The following CUL5 variants were observed in gnomAD, a reference collection of about 807,000 sequenced individuals.
CUL5 encodes cullin-5.
Under a neutral mutation model 108.8 loss-of-function variants are expected in CUL5, and 26 were observed. That is an observed-to-expected ratio of 0.24 (90% CI 0.18 to 0.33). CUL5 has a LOEUF of 0.33. CUL5 is among the 10% of genes least tolerant of loss of function. The pLI, the probability that CUL5 is intolerant of heterozygous loss-of-function variation, is 1.00. For missense variants in CUL5, 524 were observed against 909.2 expected, an observed-to-expected ratio of 0.58 and a Z score of 5.45; for synonymous variants, 334 against 298.0, an observed-to-expected ratio of 1.12 and a Z score of -1.25.
At chr11:108,066,813 A>C (rs1248959537) in intron 7 of CUL5, among the ~76,000 whole-genome samples, 1 of 152,116 alleles carries the variant, frequency 6.6e-6, no homozygotes, top group African/African-American at 2.4e-5. Flanking sequence ...TTTTCCAGTT[A>C]TTTGCTTATT....
chr11:108,073,732 T>A (rs912939693), intron 10 of CUL5: 2 of 261,294 alleles, frequency 7.7e-6, no homozygotes, highest in African/African-American at 4.4e-5. Flanking sequence ...TTTCTCATTT[T>A]TCCAAGAATG....
At chr11:108,068,360 C>G (rs1863741539) in intron 7 of CUL5, among the ~76,000 whole-genome samples, 1 of 151,782 alleles carries the variant, frequency 6.6e-6, no homozygotes, top group Non-Finnish European at 1.5e-5. Context: ...GCTCTGTCGC[C>G]CAGACTACAC....
intron 5 of CUL5, among the ~76,000 whole-genome samples, 173 bp downstream of exon 5, chr11:108,052,974 A>C (rs1286263477): frequency 2.0e-5 from 3 of 152,218 alleles, no homozygotes; most frequent in African/African-American, 7.2e-5. Context: ...AGAATGTATA[A>C]AAATTCATAT....
At chr11:108,099,468 TACAC>T (rs1366824823) in intron 18 of CUL5, among the ~76,000 whole-genome samples, 4 of 152,190 alleles carry the variant, frequency 2.6e-5, no homozygotes, top group Admixed American at 6.5e-5. Flanking sequence ...GAAAAATACA[TACAC>T]ATTTTTTAAA....
intron 3 of CUL5, among the ~76,000 whole-genome samples, chr11:108,048,805 T>G (rs1383296090): frequency 6.6e-6 from 1 of 151,892 alleles, no homozygotes; most frequent in Non-Finnish European, 1.5e-5. Flanking sequence ...CAGCTGAGAT[T>G]ACAGGCGCAT....
intron 10 of CUL5, among the ~76,000 whole-genome samples, chr11:108,075,211 C>G (rs182242414): frequency 2.3e-4 from 35 of 149,852 alleles, no homozygotes; most frequent in African/African-American, 8.4e-4. Context: ...TTTTTTAATG[C>G]AAGTAGCTTA....
At chr11:108,089,458 A>T in intron 12 of CUL5, 34 bp from the exon 13 acceptor site, 1 of 1,484,040 alleles carries the variant, frequency 6.7e-7, no homozygotes. Flanking sequence ...GTAAGAGTAT[A>T]TAAGAACTGA....
rs761057500 is a variant in CUL5 at position 108,049,902 on chromosome 11, C to A, written c.247C>A (p.His83Asn). 1 of 1,612,220 alleles carries A rather than the reference C, an allele frequency of 6.2e-7. No individual in the cohort carries two copies. Among genetic ancestry groups the A allele is most frequent in the East Asian group, 2.2e-5 (1 of 44,738 alleles). ...CTCTTTTTTTCAGCGAGTACTGAGC[C>A]ATCAAGATGATACGGCTTTGCTAAA... The part of the protein sequence containing the change: ...IKQAQARVLS[H>N]QDDTALLKAY... The change falls in exon 4 of 19, where the codon CAT becomes AAT. Residue 83 changes from histidine (H) to asparagine (N), a missense_variant. His to Asn is a moderately conservative substitution (Grantham distance 68). Around this residue, in one of 8 missense-constraint regions of CUL5, gnomAD observed 170 missense variants for 305.1 expected, o/e 0.56. Transcript: ENST00000393094.
At chr11:108,038,809 T>C (rs910140140) in intron 2 of CUL5, among the ~76,000 whole-genome samples, 2 of 152,194 alleles carry the variant, frequency 1.3e-5, no homozygotes, top group Admixed American at 6.5e-5. Context: ...ATTTTGGCCA[T>C]GTTAATCGTT....
chr11:108,062,205 A>G (rs948053533), intron 7 of CUL5, among the ~76,000 whole-genome samples: 1 of 147,996 alleles, frequency 6.8e-6, no homozygotes, highest in Admixed American at 6.7e-5. Context: ...GCTTTCTGGA[A>G]TATCCTTAAA....
At chr11:108,083,417 C>T (rs1301138152) in intron 11 of CUL5, among the ~76,000 whole-genome samples, 1 of 152,118 alleles carries the variant, frequency 6.6e-6, no homozygotes. Flanking sequence ...GATAGAGTCC[C>T]AGAAGTGAGG....
chr11:108,087,525 A>C (rs566625123), intron 11 of CUL5, among the ~76,000 whole-genome samples: 1 of 152,312 alleles, frequency 6.6e-6, no homozygotes, highest in South Asian at 2.1e-4. Context: ...GTGCAGTGGC[A>C]TGCACCTGTA....
intron 7 of CUL5, among the ~76,000 whole-genome samples, chr11:108,069,895 A>G (rs748697204): frequency 6.6e-6 from 1 of 152,154 alleles, no homozygotes; most frequent in Non-Finnish European, 1.5e-5. Context: ...CTAGTTCTAT[A>G]GTTTTTTTCC....
chr11:108,031,193 C>A (rs528293244), intron 1 of CUL5, among the ~76,000 whole-genome samples: 1 of 152,068 alleles, frequency 6.6e-6, no homozygotes, highest in African/African-American at 2.4e-5. Flanking sequence ...CATGGCGAAA[C>A]CCCGTCTCTA....
At position 108,096,953 on chromosome 11, in the gene CUL5, A is replaced by G. The variant is rs569550095; in HGVS notation, c.1906-683A>G. On this transcript the variant is annotated intron_variant, in intron 16 of 18. Coordinates refer to ENST00000393094, the MANE Select transcript of CUL5 (RefSeq NM_003478.6). ...AACTTTGGTCTGTTTGAGGACTTGT[A>G]GATTGTACTCATTAGCCCCCTGCTC... Among the ~76,000 whole-genome samples, 17 of 152,296 alleles carry G rather than the reference A, an allele frequency of 1.1e-4. No homozygotes were observed. The South Asian group carries it at 3.1e-3, about 28-fold the overall frequency.
At chr11:108,067,482 A>T (rs1177315080) in intron 7 of CUL5, among the ~76,000 whole-genome samples, 1 of 147,990 alleles carries the variant, frequency 6.8e-6, no homozygotes, top group Non-Finnish European at 1.5e-5. Context: ...CTTATGAAAT[A>T]ATATTCATTG....
chr11:108,025,509 T>G (rs142411356), intron 1 of CUL5, among the ~76,000 whole-genome samples: 1 of 152,144 alleles, frequency 6.6e-6, no homozygotes, highest in Non-Finnish European at 1.5e-5. Context: ...AGAATATCAC[T>G]CGGGGTAGGG....
intron 1 of CUL5, among the ~76,000 whole-genome samples, chr11:108,026,988 CAAAAA>C (rs34941469): frequency 2.1e-5 from 2 of 97,166 alleles, no homozygotes; most frequent in African/African-American, 3.6e-5. Context: ...GACTCCGTCT[CAAAAA>C]AAAAAAAAAA....
chr11:108,024,980 A>G (rs1349300746), intron 1 of CUL5, among the ~76,000 whole-genome samples: 3 of 152,198 alleles, frequency 2.0e-5, no homozygotes, highest in Non-Finnish European at 4.4e-5. Context: ...CCTTCAGTTC[A>G]GTGACTCTGC....
Sources: gnomAD v4.1 joint callset for allele counts (sites outside exome capture counted in the v4.1 genomes callset) on GRCh38, gnomAD v4.1.1 for gene constraint, gnomAD v4.1.1 regional missense constraint, MANE v1.5 for transcripts, NCBI Gene and HGNC (gene_info 2026-07-23, HGNC 2026-07-21) for gene names.